The following RPS6KA6 variants were observed in gnomAD, a reference collection of about 807,000 sequenced individuals.
RPS6KA6 encodes the protein ribosomal protein S6 kinase A6, also known as ribosomal protein S6 kinase alpha-6.
In RPS6KA6, 27 loss-of-function variants were observed where a neutral mutation model predicts 65.4. The observed-to-expected ratio is 0.41, with a 90% confidence interval of 0.30 to 0.57. The LOEUF (loss-of-function observed/expected upper bound fraction) is 0.57, where lower values mean the gene tolerates loss of function less well. RPS6KA6 is among the 20% of genes least tolerant of loss of function. The pLI, the probability that RPS6KA6 is intolerant of heterozygous loss-of-function variation, is 0.24. For synonymous variants in RPS6KA6, 190 were observed against 184.2 expected (o/e 1.03, Z -0.26); for missense variants, 486 against 555.6 (o/e 0.87, Z 1.26).
chrX:84,135,297 C>CA, intron 6 of RPS6KA6, 87 bp from the exon 7 acceptor site: 1 of 573,387 alleles, frequency 1.7e-6, no homozygotes, highest in Non-Finnish European at 2.8e-6. Flanking sequence ...AGTAGACAGA[C>CA]AAATCTAGGA....
chrX:84,148,140 C>CA lies in RPS6KA6; in HGVS notation c.259-18dup, dbSNP rs57639711. 35,432 of 662,486 alleles carry CA rather than the reference C, an allele frequency of 0.053. No individual in the cohort carries two copies. The highest frequency in any genetic ancestry group is 0.058 in the Non-Finnish European group (28,582 of 489,187). The allele number at this position is 662,486 out of a possible 1,213,427, so 54.6% of individuals were successfully genotyped here. A position where few individuals can be genotyped will look rare whatever the true frequency, so the allele number is the denominator to read the frequency against. Reference sequence around the variant, plus strand: ...AAGAAAAACCTAATAGAAAATTGAACAAAAAAAAAAAGGAAAATTCACATT... The same window carrying CA: ...AAGAAAAACCTAATAGAAAATTGAACAAAAAAAAAAAAGGAAAATTCACATT... On this transcript the variant is annotated splice_polypyrimidine_tract_variant and intron_variant, in intron 3 of 21. Coordinates refer to ENST00000262752, the MANE Select transcript of RPS6KA6 (RefSeq NM_014496.5).
chrX:84,109,696 T>TC (rs2034432433), intron 12 of RPS6KA6, among the ~76,000 whole-genome samples: 1 of 110,410 alleles, frequency 9.1e-6, no homozygotes, highest in Non-Finnish European at 1.9e-5. Flanking sequence ...CAGAGTACTC[T>TC]CCCTGCCTCT....
At chrX:84,092,598 G>A (rs2097085910) in intron 20 of RPS6KA6, among the ~76,000 whole-genome samples, 1 of 108,356 alleles carries the variant, frequency 9.2e-6, no homozygotes, top group African/African-American at 3.4e-5. Context: ...CTGCAGCCTG[G>A]CGACAGAGTG....
Position 84,061,299 on chromosome X carries a change from C to T in RPS6KA6, c.*2978G>A, listed in dbSNP as rs184304354. On this transcript the variant is annotated 3_prime_UTR_variant, in exon 22 of 22. Coordinates refer to ENST00000262752, the MANE Select transcript of RPS6KA6 (RefSeq NM_014496.5). ...GGCAGTACTATTTTAACATGTTGTT[C>T]CAATGGGCAGACATTATAAATACCA... is the stretch of plus-strand genomic sequence containing the variant. 2.7e-5 allele frequency: 3 copies of T among 112,027 alleles called. No individual in the cohort carries two copies. In the East Asian group the frequency reaches 8.4e-4, roughly 31 times the overall value. The allele number at this position is 112,027 out of a possible 1,213,427, so 9.2% of individuals were successfully genotyped here. A position where few individuals can be genotyped will look rare whatever the true frequency, so the allele number is the denominator to read the frequency against.
intron 3 of RPS6KA6, among the ~76,000 whole-genome samples, chrX:84,151,843 C>A (rs188097620): frequency 3.6e-5 from 4 of 111,929 alleles, no homozygotes; most frequent in African/African-American, 1.3e-4. Context: ...GAAGTCACTG[C>A]CTTGATTGGC....
intron 1 of RPS6KA6, chrX:84,187,476 A>G (rs1011271624): frequency 1.1e-5 from 2 of 183,318 alleles, no homozygotes. Flanking sequence ...GCGGCGGAGA[A>G]AAAGGGACGC....
Position 84,059,598 on chromosome X carries a change from T to C in RPS6KA6, c.*4679A>G, listed in dbSNP as rs1244514682. The C allele has an allele frequency of 8.9e-6, 1 of 112,374 alleles. No homozygotes were observed. Among genetic ancestry groups the C allele is most frequent in the Non-Finnish European group, 1.9e-5 (1 of 53,303 alleles). The allele number at this position is 112,374 out of a possible 1,213,427, so 9.3% of individuals were successfully genotyped here. A position where few individuals can be genotyped will look rare whatever the true frequency, so the allele number is the denominator to read the frequency against. On this transcript the variant is annotated 3_prime_UTR_variant, in exon 22 of 22. Transcript: ENST00000262752. Reference sequence around the variant, plus strand: ...GTTCATAGGAAAGATAAAAGTAACCTAATCAGTCACATTTTGACAATTTTT... The same window carrying C: ...GTTCATAGGAAAGATAAAAGTAACCCAATCAGTCACATTTTGACAATTTTT...
At chrX:84,167,480 T>C (rs975480491) in intron 1 of RPS6KA6, among the ~76,000 whole-genome samples, 13 of 111,836 alleles carry the variant, frequency 1.2e-4, no homozygotes, top group African/African-American at 3.9e-4. Flanking sequence ...TAAGATACTT[T>C]GAATAAAGCA....
At chrX:84,087,039 C>G (rs144155961) in intron 20 of RPS6KA6, among the ~76,000 whole-genome samples, 38 of 111,190 alleles carry the variant, frequency 3.4e-4, no homozygotes, top group African/African-American at 1.2e-3. Flanking sequence ...TTCTGCGTCT[C>G]TGTGTGTCTT....
intron 8 of RPS6KA6, among the ~76,000 whole-genome samples, chrX:84,120,737 A>C (rs1048302013): frequency 1.8e-5 from 2 of 111,818 alleles, no homozygotes; most frequent in African/African-American, 6.5e-5. Flanking sequence ...ATTCTCCCCA[A>C]ACTGATATAC....
chrX:84,084,645 T>C (rs1401443624), intron 20 of RPS6KA6, among the ~76,000 whole-genome samples: 2 of 112,541 alleles, frequency 1.8e-5, no homozygotes, highest in Admixed American at 9.4e-5. Context: ...AGTAGTGTGA[T>C]GCCTCCAGCT....
intron 20 of RPS6KA6, among the ~76,000 whole-genome samples, chrX:84,070,538 T>C (rs1227932288): frequency 9.0e-6 from 1 of 110,650 alleles, no homozygotes; most frequent in Non-Finnish European, 1.9e-5. Context: ...TCTGCACAAG[T>C]ATTCCAGAAC....
chrX:84,162,534 T>C (rs1367039989), intron 2 of RPS6KA6, among the ~76,000 whole-genome samples: 1 of 111,632 alleles, frequency 9.0e-6, no homozygotes, highest in Non-Finnish European at 1.9e-5. Context: ...TGTAAGTAAC[T>C]AGCACTGTAT....
chrX:84,073,125 T>G (rs1344827319), intron 20 of RPS6KA6, among the ~76,000 whole-genome samples: 2 of 111,606 alleles, frequency 1.8e-5, no homozygotes, highest in Non-Finnish European at 3.8e-5. Context: ...GACTTCAAAG[T>G]ATTCTATAAA....
chrX:84,165,345 C>G (rs925829037), intron 1 of RPS6KA6, among the ~76,000 whole-genome samples: 1 of 110,807 alleles, frequency 9.0e-6, no homozygotes, highest in African/African-American at 3.3e-5. Context: ...AAGCCTATCT[C>G]CCCCTATTAT....
chrX:84,116,597 C>T (rs1478301216), intron 11 of RPS6KA6, among the ~76,000 whole-genome samples: 1 of 110,231 alleles, frequency 9.1e-6, no homozygotes, highest in Admixed American at 9.8e-5. Flanking sequence ...TATTTATATG[C>T]CAAATTGAAA....
chrX:84,174,848 C>T (rs1602488564), intron 1 of RPS6KA6, among the ~76,000 whole-genome samples: 2 of 111,452 alleles, frequency 1.8e-5, no homozygotes, highest in South Asian at 3.7e-4. Flanking sequence ...AGCATAATAT[C>T]TGGAACATAA....
chrX:84,110,812 C>T (rs2034455363), intron 12 of RPS6KA6, among the ~76,000 whole-genome samples: 1 of 110,535 alleles, frequency 9.0e-6, no homozygotes, highest in African/African-American at 3.3e-5. Flanking sequence ...AATGACATCC[C>T]CAAAACGTCA....
chrX:84,168,499 T>C (rs2035632658), intron 1 of RPS6KA6, among the ~76,000 whole-genome samples: 1 of 111,322 alleles, frequency 9.0e-6, no homozygotes, highest in South Asian at 3.8e-4. Flanking sequence ...AAACAGACTA[T>C]GTGGGATTAA....
Sources: gnomAD v4.1 joint callset for allele counts (sites outside exome capture counted in the v4.1 genomes callset) on GRCh38, gnomAD v4.1.1 for gene constraint, MANE v1.5 for transcripts, NCBI Gene and HGNC (gene_info 2026-07-23, HGNC 2026-07-21) for gene names.